The following CACNA2D3 variants were observed in gnomAD, a reference collection of about 807,000 sequenced individuals.
CACNA2D3 encodes calcium voltage-gated channel auxiliary subunit alpha2delta 3, also known as voltage-dependent calcium channel subunit alpha-2/delta-3.
In CACNA2D3, 60 loss-of-function variants were observed where a neutral mutation model predicts 160.6. The observed-to-expected ratio is 0.37, with a 90% confidence interval of 0.30 to 0.46. The LOEUF (loss-of-function observed/expected upper bound fraction) is 0.46. CACNA2D3 is among the 20% of genes least tolerant of loss of function. The probability of loss-of-function intolerance (pLI) is 1.00; values close to 1 mark genes in which losing one functional copy is unlikely to be tolerated. For synonymous variants in CACNA2D3, 558 were observed against 492.9 expected (o/e 1.13, Z -1.75); for missense variants, 1,205 against 1,365.0 (o/e 0.88, Z 1.85).
chr3:55,052,080 GGGAGCTGTAGACT>G (rs1704235544), intron 35 of CACNA2D3, among the ~76,000 whole-genome samples: 1 of 152,128 alleles, frequency 6.6e-6, no homozygotes, highest in South Asian at 2.1e-4. Flanking sequence ...TGCTCACTCT[GGGAGCTGTAGACT>G]GGAGCTGTTC....
At chr3:54,356,583 C>T (rs1245372436) in intron 3 of CACNA2D3, among the ~76,000 whole-genome samples, 1 of 152,150 alleles carries the variant, frequency 6.6e-6, no homozygotes. Context: ...CTCACAGATG[C>T]TGCCAGCACA....
At chr3:54,720,714 T>C (rs1458526868) in intron 11 of CACNA2D3, among the ~76,000 whole-genome samples, 2 of 152,130 alleles carry the variant, frequency 1.3e-5, no homozygotes, top group South Asian at 2.1e-4. Context: ...TCTCTCTGTC[T>C]CATTTTAGTT....
intron 13 of CACNA2D3, among the ~76,000 whole-genome samples, chr3:54,796,240 CA>C (rs1257169116): frequency 6.6e-6 from 1 of 151,938 alleles, no homozygotes; most frequent in African/African-American, 2.4e-5. Context: ...ACTATCAGAT[CA>C]AAAAACAGGC....
chr3:54,687,127 T>TTTTTTG (rs1700470666), intron 11 of CACNA2D3, among the ~76,000 whole-genome samples: 1 of 55,964 alleles, frequency 1.8e-5, no homozygotes, highest in Non-Finnish European at 3.5e-5. Context: ...TTTTCTTTTT[T>TTTTTTG]TTTTTTTGTT....
Position 54,838,636 on chromosome 3 carries a change from C to G in CACNA2D3, c.1539C>G (p.Ile513Met), listed in dbSNP as rs765583017. ...DVPVKELLKTIPKYKLGIHGY... is the reference protein window; with the variant it reads ...DVPVKELLKTMPKYKLGIHGY... ...CAGTGAAAGAACTTCTGAAGACCATCCCCAAATACAAGGTAATGAATGACC... is the reference window on the plus strand; with the variant it reads ...CAGTGAAAGAACTTCTGAAGACCATGCCCAAATACAAGGTAATGAATGACC... Residue 513 changes from isoleucine to methionine, a missense_variant, in exon 16 of 38, where the codon ATC (isoleucine) becomes ATG (methionine). Ile to Met is a conservative substitution (Grantham distance 10). Coordinates refer to ENST00000474759, the MANE Select transcript of CACNA2D3 (RefSeq NM_018398.3). 2 of 1,610,380 alleles carry G rather than the reference C, an allele frequency of 1.2e-6. No individual in the cohort carries two copies. Among genetic ancestry groups the G allele is most frequent in the South Asian group, 1.1e-5 (1 of 91,014 alleles).
At chr3:54,523,377 A>G (rs574005515) in intron 5 of CACNA2D3, among the ~76,000 whole-genome samples, 34 of 152,288 alleles carry the variant, frequency 2.2e-4, no homozygotes, top group African/African-American at 6.5e-4. Flanking sequence ...ACAACCTTGC[A>G]TTCTAGGGAT....
At chr3:54,706,878 A>T (rs2106956833) in intron 11 of CACNA2D3, among the ~76,000 whole-genome samples, 1 of 152,296 alleles carries the variant, frequency 6.6e-6, no homozygotes, top group South Asian at 2.1e-4. Context: ...ATGGTTGGGA[A>T]ACTTTCCATC....
intron 3 of CACNA2D3, among the ~76,000 whole-genome samples, chr3:54,354,254 CAG>C (rs1237451880): frequency 1.3e-5 from 2 of 152,124 alleles, no homozygotes; most frequent in Non-Finnish European, 2.9e-5. Flanking sequence ...CACCCTCACA[CAG>C]GGAATTAAGG....
intron 2 of CACNA2D3, among the ~76,000 whole-genome samples, chr3:54,293,546 G>A (rs1703258636): frequency 7.0e-6 from 1 of 143,414 alleles, no homozygotes; most frequent in African/African-American, 2.5e-5. Flanking sequence ...TCCTTTTCAT[G>A]ACTGAGTAAT....
chr3:54,447,344 TTGTC>T (rs1211675945), intron 4 of CACNA2D3, among the ~76,000 whole-genome samples: 1 of 152,158 alleles, frequency 6.6e-6, no homozygotes, highest in African/African-American at 2.4e-5. Flanking sequence ...GAAGAGCAAG[TTGTC>T]TGAGGCAAAC....
chr3:54,594,632 C>T (rs1702918875), intron 9 of CACNA2D3, among the ~76,000 whole-genome samples: 1 of 152,152 alleles, frequency 6.6e-6, no homozygotes. Flanking sequence ...TTTCTGATTT[C>T]TCTGTTCATC....
chr3:54,736,111 A>ATG (rs1259405747), intron 11 of CACNA2D3, among the ~76,000 whole-genome samples: 885 of 24,130 alleles, frequency 0.037, 156 homozygotes, highest in South Asian at 0.097. Context: ...ATATATATGT[A>ATG]TATATATACA....
chr3:54,896,984 A>T (rs1700205447), intron 26 of CACNA2D3, 114 bp downstream of exon 26: 1 of 1,351,198 alleles, frequency 7.4e-7, no homozygotes. Flanking sequence ...TTCAACCCTC[A>T]GAGCCAGTGC....
chr3:54,648,907 T>A (rs1699704535), intron 11 of CACNA2D3, among the ~76,000 whole-genome samples: 1 of 152,106 alleles, frequency 6.6e-6, no homozygotes, highest in African/African-American at 2.4e-5. Flanking sequence ...AACTCAGTCA[T>A]TACCATGGGG....
At chr3:54,195,530 AG>A (rs1246884362) in intron 2 of CACNA2D3, among the ~76,000 whole-genome samples, 5 of 152,192 alleles carry the variant, frequency 3.3e-5, no homozygotes, top group Non-Finnish European at 7.3e-5. Flanking sequence ...ACCTTCTCAT[AG>A]CCATGTGAAG....
At chr3:54,986,895 CATG>C (rs1183880904) in intron 30 of CACNA2D3, among the ~76,000 whole-genome samples, 1 of 152,198 alleles carries the variant, frequency 6.6e-6, no homozygotes, top group Non-Finnish European at 1.5e-5. Flanking sequence ...GGACACCTTG[CATG>C]ATAGTAGCTC....
In CACNA2D3 at chr3:55,074,176, C is replaced by T; in HGVS notation, c.3246C>T (p.Leu1082=). ...SLQAQTVLLL[L]PLLLMLFSR ...AAGCCCAGACAGTCCTCCTTCTGCT[C>T]CCTCTGCTTTTGATGCTCTTCTCAA... Residue 1082 remains leucine, a synonymous_variant, in exon 38 of 38, where the codon CTC becomes CTT. Coordinates refer to ENST00000474759, the MANE Select transcript of CACNA2D3 (RefSeq NM_018398.3). The T allele has an allele frequency of 6.2e-7, 1 of 1,613,794 alleles. No homozygotes were observed. Among genetic ancestry groups the T allele is most frequent in the Non-Finnish European group, 8.5e-7 (1 of 1,179,758 alleles).
intron 3 of CACNA2D3, among the ~76,000 whole-genome samples, chr3:54,373,746 C>A (rs919978918): frequency 1.3e-5 from 2 of 152,154 alleles, no homozygotes; most frequent in African/African-American, 4.8e-5. Flanking sequence ...TGGAGAGGAT[C>A]CTGGAGTTGC....
chr3:55,054,996 G>C (rs559496605), intron 35 of CACNA2D3, among the ~76,000 whole-genome samples: 74 of 151,984 alleles, frequency 4.9e-4, no homozygotes, highest in Non-Finnish European at 7.2e-4. Context: ...GAATTTATCT[G>C]TACTAGTTAG....
Sources: gnomAD v4.1 joint callset for allele counts (sites outside exome capture counted in the v4.1 genomes callset) on GRCh38, gnomAD v4.1.1 for gene constraint, MANE v1.5 for transcripts, NCBI Gene and HGNC (gene_info 2026-07-23, HGNC 2026-07-21) for gene names.